The following NFE2L1 variants were observed in gnomAD, a reference collection of about 807,000 sequenced individuals.
NFE2L1 encodes endoplasmic reticulum membrane sensor NFE2L1.
In NFE2L1, 18 loss-of-function variants were observed where a neutral mutation model predicts 61.6. That is an observed-to-expected ratio of 0.29 (90% CI 0.20 to 0.43). NFE2L1 has a LOEUF of 0.43. Among genes scored for constraint, NFE2L1 ranks in the 20% least tolerant of loss-of-function variants. The probability of loss-of-function intolerance (pLI) is 1.00; values close to 1 mark genes in which losing one functional copy is unlikely to be tolerated. For synonymous variants in NFE2L1, 419 were observed against 402.7 expected, an observed-to-expected ratio of 1.04 and a Z score of -0.48; for missense variants, 827 against 973.5, an observed-to-expected ratio of 0.85 and a Z score of 2.00.
rs2037231066 is a variant in NFE2L1, at chr17:48,050,850, C to T, written c.-269C>T. 1 of 596,468 alleles carries T rather than the reference C, an allele frequency of 1.7e-6. No homozygotes were observed. The highest frequency in any genetic ancestry group is 3.0e-5 in the Admixed American group (1 of 33,694). The allele number at this position is 596,468 out of a possible 1,614,324, so 36.9% of individuals were successfully genotyped here. ...TCACGTGGGCCCTTGAGGACCTGGA[C>T]TGGGTTAGGAACAGTTGTACTTTCA... On this transcript the variant is annotated 5_prime_UTR_variant, in exon 2 of 6. Transcript: ENST00000362042.
intron 2 of NFE2L1, chr17:48,054,338 A>T: frequency 6.2e-6 from 1 of 161,908 alleles, no homozygotes; most frequent in Non-Finnish European, 1.3e-5. Flanking sequence ...AAGGAGACGG[A>T]GGCGGCCCAG....
intron 2 of NFE2L1, among the ~76,000 whole-genome samples, chr17:48,052,038 A>G (rs993161497): frequency 3.3e-5 from 5 of 152,166 alleles, no homozygotes; most frequent in Admixed American, 1.3e-4. Flanking sequence ...GAACACAGAC[A>G]TACCCTGAAG....
At chr17:48,054,822 G>A in intron 2 of NFE2L1, 1 of 1,315,096 alleles carries the variant, frequency 7.6e-7, no homozygotes, top group Non-Finnish European at 9.6e-7. Flanking sequence ...AGGTGGGAGG[G>A]GGCTGCTCAA....
intron 3 of NFE2L1, 32 bp from the exon 4 acceptor site, chr17:48,057,000 G>A: frequency 6.2e-7 from 1 of 1,611,286 alleles, no homozygotes; most frequent in Admixed American, 1.7e-5. Flanking sequence ...CAAGGCCCAG[G>A]TCAATCAGAC....
intron 2 of NFE2L1, among the ~76,000 whole-genome samples, chr17:48,055,593 GCA>G (rs200348233): frequency 0.012 from 1,793 of 151,872 alleles, 18 homozygotes; most frequent in Non-Finnish European, 0.019. Flanking sequence ...GGGAATGAGA[GCA>G]CTGGTGTAGG....
At position 48,060,985 on chromosome 17, in the gene NFE2L1, GGTC is replaced by G. The variant is rs796667450; in HGVS notation, c.*1351_*1353del. 72 of 152,734 alleles carry G rather than the reference GGTC, an allele frequency of 4.7e-4. 1 individual carries two copies. The highest frequency in any genetic ancestry group is 1.4e-3 in the African/African-American group (57 of 41,550). 9.5% of individuals were successfully genotyped at this position (152,734 alleles called of 1,614,324 possible). On this transcript the variant is annotated 3_prime_UTR_variant, in exon 6 of 6. Transcript: ENST00000362042. The stretch of plus-strand genomic sequence containing the variant: ...TTGGGATTTTTCTCCTCTGTCCCGA[GGTC>G]GTCGTCTGCTTTCTTTTTTGGGTTT...
chr17:48,053,424 C>T (rs1447859735), intron 2 of NFE2L1, among the ~76,000 whole-genome samples: 1 of 152,118 alleles, frequency 6.6e-6, no homozygotes, highest in African/African-American at 2.4e-5. Flanking sequence ...CTCAGCAACT[C>T]AGGGATAAAA....
At chr17:48,058,134 G>A (rs1170823401) in intron 5 of NFE2L1, among the ~76,000 whole-genome samples, 161 bp from the exon 6 acceptor site, 1 of 152,208 alleles carries the variant, frequency 6.6e-6, no homozygotes, top group Non-Finnish European at 1.5e-5. Context: ...TGCCAGGCCT[G>A]GTGGACGAAG....
rs1342986804 is a variant in NFE2L1, at chr17:48,056,975, T to G, written c.724-57T>G. The G allele has an allele frequency of 9.6e-6, 15 of 1,567,364 alleles. No individual in the cohort carries two copies. The African/African-American group carries it at 1.6e-4, about 17-fold the overall frequency. ...CTTCAGCCATTCTGGGAAAGAAGCT[T>G]CAGCCCCAGGCAGCCAAGGCCCAGG... On this transcript the variant is annotated intron_variant, in intron 3 of 5. Coordinates refer to ENST00000362042, the MANE Select transcript of NFE2L1 (RefSeq NM_003204.3).
chr17:48,052,757 C>T (rs1024084683), intron 2 of NFE2L1, among the ~76,000 whole-genome samples: 5 of 152,064 alleles, frequency 3.3e-5, no homozygotes, highest in African/African-American at 7.2e-5. Context: ...CATCTTGGGG[C>T]GGGGTTGCTA....
At position 48,050,907 on chromosome 17, in the gene NFE2L1, T is replaced by G; in HGVS notation, c.-212T>G. The G allele has an allele frequency of 1.6e-6, 1 of 610,820 alleles. No homozygotes were observed. The highest frequency in any genetic ancestry group is 2.9e-6 in the Non-Finnish European group (1 of 346,234). The allele number at this position is 610,820 out of a possible 1,614,324, so 37.8% of individuals were successfully genotyped here. On this transcript the variant is annotated 5_prime_UTR_variant, in exon 2 of 6. Coordinates refer to ENST00000362042, the MANE Select transcript of NFE2L1 (RefSeq NM_003204.3). The stretch of plus-strand genomic sequence containing the variant: ...AGGTGTCGAGAAGGGAAAGTGAATG[T>G]GGTCTGGAGTGTGTCCTTGGCCTTG...
In NFE2L1 at chr17:48,057,436, C is replaced by G; in HGVS notation, c.906C>G (p.Thr302=). 1 of 1,614,112 alleles carries G rather than the reference C, an allele frequency of 6.2e-7. No individual in the cohort carries two copies. Among genetic ancestry groups the G allele is most frequent in the Non-Finnish European group, 8.5e-7 (1 of 1,180,024 alleles). The stretch of plus-strand genomic sequence containing the variant: ...ACAACCTCTTGTCTCCTCTTCTGAC[C>G]GGGACAGAGTCACCATTTGATTTGG... The part of the protein sequence containing the change: ...LQNNLLSPLL[T]GTESPFDLEQ... The change falls in exon 5 of 6, where the codon ACC becomes ACG. Residue 302 remains threonine (T), a synonymous_variant. Transcript: ENST00000362042.
rs747504814 is a variant in NFE2L1, at chr17:48,059,654, AGG to A, written c.*17_*18del. 1 of 1,534,292 alleles carries A rather than the reference AGG, an allele frequency of 6.5e-7. No individual in the cohort carries two copies. The highest frequency in any genetic ancestry group is 8.8e-7 in the Non-Finnish European group (1 of 1,142,282). On this transcript the variant is annotated 3_prime_UTR_variant, in exon 6 of 6. Transcript: ENST00000362042. This position sits in a 1 kb window ranked among gnomAD's most constrained non-coding sequence, Gnocchi z 6.1. ...CCGGAGAAAGTGAGCCTGGGGAAGA[AGG>A]GGGTTTGAAGCCCACCAAGACCGAA...
intron 2 of NFE2L1, among the ~76,000 whole-genome samples, chr17:48,054,052 G>A (rs1315040556): frequency 1.3e-5 from 2 of 152,184 alleles, no homozygotes; most frequent in Non-Finnish European, 2.9e-5. Flanking sequence ...GGGCCTGGGT[G>A]CCCTGGGTTC....
In NFE2L1 at chr17:48,051,035, G is replaced by T; in HGVS notation, c.-84G>T. ...TGACACTGAGGAGGGTAACCTGCTG[G>T]CTGGAGCGGCAGAGCAGTGGCCTTG... is the stretch of plus-strand genomic sequence containing the variant. On this transcript the variant is annotated 5_prime_UTR_variant, in exon 2 of 6. Transcript: ENST00000362042. The T allele has an allele frequency of 6.4e-7, 1 of 1,557,734 alleles. No homozygotes were observed. Among genetic ancestry groups the T allele is most frequent in the South Asian group, 1.1e-5 (1 of 87,842 alleles).
In NFE2L1 at chr17:48,050,889, G is replaced by A. The variant is rs192166135; in HGVS notation, c.-230G>A. On this transcript the variant is annotated 5_prime_UTR_variant, in exon 2 of 6. Coordinates refer to ENST00000362042, the MANE Select transcript of NFE2L1 (RefSeq NM_003204.3). Reference sequence around the variant, plus strand: ...GTTGTACTTTCAGAGGTGAGGTGTCGAGAAGGGAAAGTGAATGTGGTCTGG... The same window carrying A: ...GTTGTACTTTCAGAGGTGAGGTGTCAAGAAGGGAAAGTGAATGTGGTCTGG... 9 of 609,494 alleles carry A rather than the reference G, an allele frequency of 1.5e-5. No individual in the cohort carries two copies. Among genetic ancestry groups the A allele is most frequent in the Non-Finnish European group, 2.0e-5 (7 of 344,990 alleles). 37.8% of individuals were successfully genotyped at this position (609,494 alleles called of 1,614,324 possible).
rs1272030008 is a variant in NFE2L1, at chr17:48,061,304, G to C, written c.*1663G>C. 1 of 152,242 alleles carries C rather than the reference G, an allele frequency of 6.6e-6. No homozygotes were observed. The highest frequency in any genetic ancestry group is 1.5e-5 in the Non-Finnish European group (1 of 68,036). 9.4% of individuals were successfully genotyped at this position (152,242 alleles called of 1,614,324 possible). A position where few individuals can be genotyped will look rare whatever the true frequency, so the allele number is the denominator to read the frequency against. The stretch of plus-strand genomic sequence containing the variant: ...GGGTGGGGGGAAGCACTGATTCCCA[G>C]TTAGGGGGTGCCTAACTGAGCAGTA... On this transcript the variant is annotated 3_prime_UTR_variant, in exon 6 of 6. Transcript: ENST00000362042.
At chr17:48,054,387 C>A in intron 2 of NFE2L1, 1 of 221,396 alleles carries the variant, frequency 4.5e-6, no homozygotes, top group Non-Finnish European at 8.7e-6. Context: ...TCCAGCTGCC[C>A]TGATGCAGAG....
intron 1 of NFE2L1, among the ~76,000 whole-genome samples, chr17:48,049,816 A>G (rs950154760): frequency 1.3e-5 from 2 of 152,140 alleles, no homozygotes; most frequent in African/African-American, 2.4e-5. Flanking sequence ...CCACACTCTC[A>G]CTGTTTAATA....
Sources: allele counts gnomAD v4.1 joint callset (sites outside exome capture counted in the v4.1 genomes callset), GRCh38; gene constraint gnomAD v4.1.1; non-coding constraint Gnocchi (gnomAD v3.1); transcripts MANE v1.5; gene names NCBI Gene and HGNC (gene_info 2026-07-23, HGNC 2026-07-21).